Variants in ZNF385D observed in about 807,000 individuals in gnomAD.
ZNF385D encodes the protein zinc finger protein 385D, also known as zinc finger protein 659.
ZNF385D carries 15 observed loss-of-function variants against 35.8 expected under a neutral mutation model. That is an observed-to-expected ratio of 0.42 (90% CI 0.28 to 0.64). The LOEUF (loss-of-function observed/expected upper bound fraction) is 0.64. Ranked by LOEUF, ZNF385D falls within the 30% of genes least tolerant of loss-of-function variation. ZNF385D has a pLI of 0.23. For synonymous variants in ZNF385D, 212 were observed against 186.8 expected, an observed-to-expected ratio of 1.13 and a Z score of -1.10; for missense variants, 474 against 494.6, an observed-to-expected ratio of 0.96 and a Z score of 0.39.
At chr3:21,765,905 T>C (rs2070810227) in intron 3 of ZNF385D, among the ~76,000 whole-genome samples, 1 of 152,074 alleles carries the variant, frequency 6.6e-6, no homozygotes. Flanking sequence ...GTTCCTCCCA[T>C]AGTAGTATCT....
chr3:21,776,660 T>C (rs892456334), intron 3 of ZNF385D, among the ~76,000 whole-genome samples: 1 of 152,004 alleles, frequency 6.6e-6, no homozygotes, highest in Non-Finnish European at 1.5e-5. Flanking sequence ...ATAAACTTTA[T>C]ATGAGATTCT....
chr3:22,289,621 T>C lies in ZNF385D; in HGVS notation c.106+82829A>G, dbSNP rs181375181. Among the ~76,000 whole-genome samples, 186 of 152,272 alleles carry C rather than the reference T, an allele frequency of 1.2e-3. 1 individual carries two copies. The Middle Eastern group carries it at 0.014, about 11-fold the overall frequency. Reference sequence around the variant, plus strand: ...ATCTATGCACTGATTATAGGAGGTTTAGGCCTTGGGAATGCCGGTGTGCTT... The same window carrying C: ...ATCTATGCACTGATTATAGGAGGTTCAGGCCTTGGGAATGCCGGTGTGCTT... On this transcript the variant is annotated intron_variant, in intron 2 of 5. Coordinates refer to the ZNF385D transcript ENST00000494108.
chr3:22,001,266 C>T (rs1002627879), intron 3 of ZNF385D, among the ~76,000 whole-genome samples: 14 of 151,788 alleles, frequency 9.2e-5, no homozygotes, highest in Non-Finnish European at 2.1e-4. Flanking sequence ...CTGGTAGACA[C>T]ATATGGACTG....
chr3:22,096,477 A>G (rs1331281674), intron 3 of ZNF385D, among the ~76,000 whole-genome samples: 3 of 152,102 alleles, frequency 2.0e-5, no homozygotes, highest in Non-Finnish European at 1.5e-5. Context: ...TTAAAAATAT[A>G]GAGACATATA....
chr3:21,672,780 C>T (rs2066615802), intron 1 of ZNF385D, among the ~76,000 whole-genome samples: 1 of 152,102 alleles, frequency 6.6e-6, no homozygotes, highest in African/African-American at 2.4e-5. Context: ...AATGCCACGA[C>T]CAAAATCAAA....
At chr3:22,165,691 T>G (rs964966587) in intron 3 of ZNF385D, among the ~76,000 whole-genome samples, 2 of 152,158 alleles carry the variant, frequency 1.3e-5, no homozygotes, top group Non-Finnish European at 2.9e-5. Context: ...CACCATTATT[T>G]CCATCTAGTT....
At chr3:21,612,573 A>C (rs1276500187) in intron 2 of ZNF385D, among the ~76,000 whole-genome samples, 2 of 152,216 alleles carry the variant, frequency 1.3e-5, no homozygotes, top group Non-Finnish European at 2.9e-5. Context: ...TCAATTATCA[A>C]ATCACAAAGG....
At chr3:21,689,637 G>A (rs1223968185) in intron 1 of ZNF385D, among the ~76,000 whole-genome samples, 1 of 152,130 alleles carries the variant, frequency 6.6e-6, no homozygotes, top group East Asian at 1.9e-4. Context: ...GATTATGGAG[G>A]AGGTCAGTCA....
intron 1 of ZNF385D, among the ~76,000 whole-genome samples, chr3:21,710,329 T>C (rs1426375459): frequency 6.6e-6 from 1 of 152,174 alleles, no homozygotes; most frequent in African/African-American, 2.4e-5. Context: ...TTTTAGTAAA[T>C]TGGCTCTGCA....
chr3:21,852,056 T>C (rs1696417262), intron 3 of ZNF385D, among the ~76,000 whole-genome samples: 3 of 152,024 alleles, frequency 2.0e-5, no homozygotes, highest in African/African-American at 7.2e-5. Context: ...TTCTTTCCAA[T>C]GTCTAGACTC....
At chr3:22,245,167 A>G (rs1491882) in intron 2 of ZNF385D, among the ~76,000 whole-genome samples, 50,003 of 152,018 alleles carry the variant, frequency 0.33, 8,369 homozygotes, top group Non-Finnish European at 0.35. Flanking sequence ...TAAATAGATT[A>G]TTAATTCCAG....
In ZNF385D at chr3:22,297,228, C is replaced by T. The variant is rs7651783; in HGVS notation, c.106+75222G>A. ...GACTGTGACAATCAACCCCTTTATT[C>T]GCAACCCCAGATCCCCCCAATAGGA... On this transcript the variant is annotated intron_variant, in intron 2 of 5. Transcript: ENST00000494108. Among the ~76,000 whole-genome samples, 1,159 of 152,084 alleles carry T rather than the reference C, an allele frequency of 7.6e-3. 16 individuals are homozygous for T. The highest frequency in any genetic ancestry group is 0.026 in the African/African-American group (1,071 of 41,498).
At chr3:21,808,447 T>A (rs185269023) in intron 3 of ZNF385D, among the ~76,000 whole-genome samples, 53 of 152,312 alleles carry the variant, frequency 3.5e-4, no homozygotes, top group Admixed American at 3.4e-3. Context: ...ATCTCTGCTC[T>A]GCATTAAGTG....
chr3:22,318,233 T>C (rs1704008605), intron 2 of ZNF385D, among the ~76,000 whole-genome samples: 1 of 152,236 alleles, frequency 6.6e-6, no homozygotes. Flanking sequence ...AAATAAAGAT[T>C]GAATTTTGAG....
intron 1 of ZNF385D, among the ~76,000 whole-genome samples, chr3:21,700,409 A>T (rs1467645543): frequency 1.3e-5 from 2 of 152,232 alleles, no homozygotes; most frequent in Non-Finnish European, 2.9e-5. Flanking sequence ...AGCTCTACTG[A>T]TTATTCAGCC....
intron 1 of ZNF385D, among the ~76,000 whole-genome samples, chr3:21,735,049 C>T (rs967578948): frequency 2.0e-5 from 3 of 151,982 alleles, no homozygotes; most frequent in Non-Finnish European, 4.4e-5. Context: ...ATTTTAGGGC[C>T]GGGAGGGATC....
chr3:22,223,287 C>T (rs1190067456), intron 2 of ZNF385D, among the ~76,000 whole-genome samples: 1 of 152,008 alleles, frequency 6.6e-6, no homozygotes, highest in Non-Finnish European at 1.5e-5. Context: ...TTCGTGTTTT[C>T]TCTATCTCGG....
At chr3:21,589,510 G>C (rs1396551672) in intron 2 of ZNF385D, among the ~76,000 whole-genome samples, 1 of 152,114 alleles carries the variant, frequency 6.6e-6, no homozygotes, top group Non-Finnish European at 1.5e-5. Context: ...TGGCCTTACT[G>C]TAGGAAAATA....
At chr3:21,460,350 A>G (rs1171050586) in intron 4 of ZNF385D, among the ~76,000 whole-genome samples, 1 of 152,202 alleles carries the variant, frequency 6.6e-6, no homozygotes, top group Non-Finnish European at 1.5e-5. Flanking sequence ...ACTATTTCAT[A>G]GACACCAGAT....
Sources: allele counts gnomAD v4.1 joint callset (sites outside exome capture counted in the v4.1 genomes callset), GRCh38; gene constraint gnomAD v4.1.1; transcripts MANE v1.5; gene names NCBI Gene and HGNC (gene_info 2026-07-23, HGNC 2026-07-21).